The following UGT2B11 variants were observed in gnomAD, a reference collection of about 807,000 sequenced individuals.
UGT2B11 encodes UDP-glucuronosyltransferase 2B11.
In UGT2B11, 49 loss-of-function variants were observed where a neutral mutation model predicts 51.7. The ratio of observed to expected loss-of-function variants is 0.95; its 90% CI spans 0.75 to 1.20. UGT2B11 has a LOEUF of 1.20. Ranked by LOEUF, UGT2B11 falls within the 50% of genes most tolerant of loss-of-function variation. UGT2B11 has a pLI of 0.00. For synonymous variants in UGT2B11, 273 were observed against 209.0 expected (o/e 1.31, Z -2.64); for missense variants, 810 against 622.1 (o/e 1.30, Z -3.21).
the UGT2B11 span, among the ~76,000 whole-genome samples, chr4:69,223,637 C>T: frequency 6.6e-6 from 1 of 152,014 alleles, no homozygotes; most frequent in Non-Finnish European, 1.5e-5. Flanking sequence ...TAAAATTGTC[C>T]TTCAAGGAGA....
chr4:69,216,509 A>G (rs1402289467), upstream of UGT2B11: 1 of 151,656 alleles, frequency 6.6e-6, no homozygotes, highest in Non-Finnish European at 1.5e-5. Context: ...GAGCAAGTTC[A>G]TCAAGTATCA....
upstream of UGT2B11, among the ~76,000 whole-genome samples, chr4:69,219,219 G>A (rs894348931): frequency 2.6e-5 from 4 of 151,984 alleles, no homozygotes; most frequent in African/African-American, 9.6e-5. Context: ...TGATCATCTT[G>A]AGCACATTCC....
intron 3 of UGT2B11, among the ~76,000 whole-genome samples, chr4:69,205,930 T>C (rs984033000): frequency 6.6e-6 from 1 of 151,624 alleles, no homozygotes; most frequent in African/African-American, 2.4e-5. Context: ...TGAGATAGCA[T>C]CTCACACCAA....
At chr4:69,219,422 T>C (rs143685857), upstream of UGT2B11, among the ~76,000 whole-genome samples, 1,067 of 152,302 alleles carry the variant, frequency 7.0e-3, 12 homozygotes, top group African/African-American at 0.024. Flanking sequence ...ATAGTTACTT[T>C]TGTTGCACAG....
intron 5 of UGT2B11, among the ~76,000 whole-genome samples, chr4:69,203,426 T>C: frequency 6.6e-6 from 1 of 151,730 alleles, no homozygotes; most frequent in East Asian, 2.0e-4. Flanking sequence ...ATGCAACAAG[T>C]ACTTTGGAAA....
At position 69,206,685 on chromosome 4, in the gene UGT2B11, T is replaced by C. The variant is rs192892780; in HGVS notation, c.1003-1118A>G. 4.4e-4 allele frequency among the ~76,000 whole-genome samples: 67 copies of C among 151,684 alleles called. No homozygotes were observed. The East Asian group carries it at 0.012, about 28-fold the overall frequency. On this transcript the variant is annotated intron_variant, in intron 3 of 5. Coordinates refer to ENST00000446444, the MANE Select transcript of UGT2B11 (RefSeq NM_001073.3). The stretch of plus-strand genomic sequence containing the variant: ...AAATAAAAATATTACAAAAAAAGTG[T>C]AAAAAATTATATGGAGTGATTGTAA...
In UGT2B11 at chr4:69,204,641, T is replaced by A. The variant is rs1721783943; in HGVS notation, c.1099A>T (p.Lys367Ter). 1 of 1,611,740 alleles carries A rather than the reference T, an allele frequency of 6.2e-7. No individual in the cohort carries two copies. The highest frequency in any genetic ancestry group is 8.5e-7 in the Non-Finnish European group (1 of 1,178,542). The change falls in exon 5 of 6, where the codon AAA (lysine) becomes TAA (stop). Residue 367 changes from lysine (K) to a stop codon, truncating the protein, a stop_gained. Coordinates refer to ENST00000446444, the MANE Select transcript of UGT2B11 (RefSeq NM_001073.3). LOFTEE classifies it high-confidence loss of function. ...IPQNDLLGHP[K>*]TRAFITHGGA... ...CCATGAGTTATAAAAGCTCTGGTTT[T>A]TGGATGACCTAGGATTGGATGAATT...
upstream of UGT2B11, among the ~76,000 whole-genome samples, chr4:69,217,187 T>C (rs1358143933): frequency 6.6e-6 from 1 of 152,154 alleles, no homozygotes; most frequent in Non-Finnish European, 1.5e-5. Flanking sequence ...ATCTTCTAAA[T>C]GCCTACTCCT....
intron 5 of UGT2B11, among the ~76,000 whole-genome samples, chr4:69,202,546 T>C (rs971141402): frequency 5.9e-5 from 9 of 151,664 alleles, no homozygotes; most frequent in African/African-American, 2.2e-4. Flanking sequence ...TGACGTACTC[T>C]AGGAAAATGT....
upstream of UGT2B11, among the ~76,000 whole-genome samples, chr4:69,219,246 T>C (rs552193575): frequency 6.6e-6 from 1 of 152,292 alleles, no homozygotes; most frequent in Non-Finnish European, 1.5e-5. Context: ...TATATTCTTT[T>C]GAGAATTCTT....
At chr4:69,215,151 A>T (rs1383495206), upstream of UGT2B11, 1 of 155,392 alleles carries the variant, frequency 6.4e-6, no homozygotes, top group Non-Finnish European at 1.4e-5. Context: ...CAAATACCAT[A>T]TGATTCATCA....
chr4:69,207,874 T>C (rs987167114), intron 3 of UGT2B11, among the ~76,000 whole-genome samples: 10 of 151,642 alleles, frequency 6.6e-5, no homozygotes, highest in African/African-American at 2.4e-4. Context: ...GCAAAACAGC[T>C]TTGAAGAAAA....
chr4:69,220,933 C>G, the UGT2B11 span, among the ~76,000 whole-genome samples: 3 of 152,226 alleles, frequency 2.0e-5, no homozygotes, highest in African/African-American at 7.2e-5. Context: ...AATTCCATGT[C>G]ATCATTTAAT....
intron 3 of UGT2B11, 155 bp from the exon 4 acceptor site, chr4:69,205,722 T>G (rs1048304347): frequency 2.3e-6 from 2 of 862,314 alleles, no homozygotes; most frequent in African/African-American, 3.5e-5. Context: ...TTTATTTTCT[T>G]AACTTTTATA....
chr4:69,214,828 A>T (rs563306780), upstream of UGT2B11: 1 of 1,504,784 alleles, frequency 6.6e-7, no homozygotes, highest in South Asian at 1.4e-5. Context: ...TCCAAAGTAA[A>T]TATATTATAG....
At chr4:69,217,717 T>A (rs1471288918), upstream of UGT2B11, among the ~76,000 whole-genome samples, 4 of 151,976 alleles carry the variant, frequency 2.6e-5, no homozygotes, top group East Asian at 7.8e-4. Context: ...TCCCAGTGGG[T>A]GAGATGAAAC....
chr4:69,203,454 C>T (rs1721733715), intron 5 of UGT2B11, among the ~76,000 whole-genome samples: 1 of 151,654 alleles, frequency 6.6e-6, no homozygotes, highest in Admixed American at 6.6e-5. Context: ...AGCAGTTCTC[C>T]ATAAACATAC....
chr4:69,220,667 TATCC>T, the UGT2B11 span, among the ~76,000 whole-genome samples: 1 of 151,266 alleles, frequency 6.6e-6, no homozygotes, highest in South Asian at 2.1e-4. Flanking sequence ...GGAGCCAAGG[TATCC>T]ATTGGTTAAA....
At chr4:69,210,657 G>A (rs1431132092) in intron 2 of UGT2B11, among the ~76,000 whole-genome samples, 1 of 151,466 alleles carries the variant, frequency 6.6e-6, no homozygotes, top group East Asian at 1.9e-4. Context: ...TAATGTGAAT[G>A]GGGAAATCTT....
Sources: gnomAD v4.1 joint callset for allele counts (sites outside exome capture counted in the v4.1 genomes callset) on GRCh38, gnomAD v4.1.1 for gene constraint, MANE v1.5 for transcripts, NCBI Gene and HGNC (gene_info 2026-07-23, HGNC 2026-07-21) for gene names.